EHD3: variants seen among roughly 807,000 people sequenced by gnomAD.
EHD3 encodes the protein EH domain containing 3.
A neutral mutation model predicts 43.0 loss-of-function variants in EHD3; 17 were observed. That is an observed-to-expected ratio of 0.40 (90% CI 0.27 to 0.59). The LOEUF (loss-of-function observed/expected upper bound fraction) is 0.59, where lower values mean the gene tolerates loss of function less well. Among genes scored for constraint, EHD3 ranks in the 20% least tolerant of loss-of-function variants. The pLI, the probability that EHD3 is intolerant of heterozygous loss-of-function variation, is 0.49. For missense variants in EHD3, 594 were observed against 705.6 expected (o/e 0.84, Z 1.79); for synonymous variants, 313 against 289.5 (o/e 1.08, Z -0.82).
intron 2 of EHD3, among the ~76,000 whole-genome samples, chr2:31,247,664 G>A (rs568481579): frequency 1.3e-5 from 2 of 152,278 alleles, no homozygotes; most frequent in African/African-American, 4.8e-5. Context: ...TAGCGGCCTT[G>A]GGCTCTATTC....
chr2:31,252,149 C>T (rs1683647312), intron 3 of EHD3, among the ~76,000 whole-genome samples: 1 of 152,168 alleles, frequency 6.6e-6, no homozygotes, highest in African/African-American at 2.4e-5. Flanking sequence ...CTCAACAGGT[C>T]ACATTTTCAG....
rs776124071 is a variant in EHD3, at chr2:31,261,681, C to T, written c.1048C>T (p.Pro350Ser). The change falls in exon 5 of 6, where the codon CCT becomes TCT. Residue 350 changes from proline (P) to serine (S), a missense_variant. Around this residue, in one of 3 missense-constraint regions of EHD3, gnomAD observed 322 missense variants for 348.0 expected, o/e 0.93. Coordinates refer to ENST00000322054, the MANE Select transcript of EHD3 (RefSeq NM_014600.3). ...GRIEREHQIS[P>S]GDFPNLKRMQ... is the part of the protein sequence containing the mutation. ...GATCGAGCGGGAGCACCAGATCTCA[C>T]CTGGGGACTTCCCCAATCTGAAGAG... 6 of 1,614,104 alleles carry T rather than the reference C, an allele frequency of 3.7e-6. No homozygotes were observed. Among genetic ancestry groups the T allele is most frequent in the African/African-American group, 1.3e-5 (1 of 74,934 alleles).
At chr2:31,259,586 C>T (rs1461399580) in intron 3 of EHD3, among the ~76,000 whole-genome samples, 1 of 152,172 alleles carries the variant, frequency 6.6e-6, no homozygotes, top group Non-Finnish European at 1.5e-5. Flanking sequence ...CAGTCACATC[C>T]TAAGGAAGAA....
Position 31,234,511 on chromosome 2 carries a change from G to A in EHD3, c.-111G>A, listed in dbSNP as rs1272458415. 7.1e-6 allele frequency: 9 copies of A among 1,272,628 alleles called. No homozygotes were observed. In the African/African-American group the frequency reaches 1.2e-4, roughly 17 times the overall value. 78.8% of individuals were successfully genotyped at this position (1,272,628 alleles called of 1,614,324 possible). On this transcript the variant is annotated 5_prime_UTR_variant, in exon 1 of 6. Transcript: ENST00000322054. ...CATGGTGCGGCTGAGCCCCGCGCTT[G>A]GGTGAGGCGGCGGCGCGGCTCGGAG...
chr2:31,245,671 C>T (rs1178467376), intron 2 of EHD3, among the ~76,000 whole-genome samples: 1 of 147,852 alleles, frequency 6.8e-6, no homozygotes, highest in Non-Finnish European at 1.5e-5. Flanking sequence ...AAGCAATTCT[C>T]CTGCCTCAGC....
intron 3 of EHD3, among the ~76,000 whole-genome samples, chr2:31,250,340 C>T (rs1048265856): frequency 6.7e-6 from 1 of 149,944 alleles, no homozygotes; most frequent in African/African-American, 2.5e-5. Context: ...GATCTCAGCT[C>T]ACCGCAACCT....
chr2:31,235,009 A>G (rs1377376318), intron 1 of EHD3, among the ~76,000 whole-genome samples, 161 bp downstream of exon 1: 2 of 151,864 alleles, frequency 1.3e-5, no homozygotes, highest in Non-Finnish European at 2.9e-5. Context: ...CTTACCCCAC[A>G]ATTTTTGCTG....
chr2:31,253,593 G>A (rs1167644985), intron 3 of EHD3, among the ~76,000 whole-genome samples: 1 of 152,204 alleles, frequency 6.6e-6, no homozygotes, highest in African/African-American at 2.4e-5. Context: ...TAGACTGCCT[G>A]TTCTGCAAAG....
At chr2:31,237,034 C>T (rs78962598) in intron 1 of EHD3, among the ~76,000 whole-genome samples, 1 of 152,136 alleles carries the variant, frequency 6.6e-6, no homozygotes, top group South Asian at 2.1e-4. Context: ...TCCCTCTCCC[C>T]ACTCATGTCA....
At position 31,260,115 on chromosome 2, in the gene EHD3, CACTTG is replaced by C. The variant is rs1683823972; in HGVS notation, c.503-392_503-388del. On this transcript the variant is annotated intron_variant, in intron 3 of 5. Transcript: ENST00000322054. This position sits in a 1 kb window ranked among gnomAD's most constrained non-coding sequence, Gnocchi z 4.6. Reference sequence around the variant, plus strand: ...ACTCGGGAGGCTGAGGCAGGAAAATCACTTGACCCCAGGAGGCAGAGGTTGCAGTG... The same window carrying C: ...ACTCGGGAGGCTGAGGCAGGAAAATCACCCCAGGAGGCAGAGGTTGCAGTG... Among the ~76,000 whole-genome samples the C allele has an allele frequency of 6.6e-6, 1 of 152,070 alleles. No homozygotes were observed. The highest frequency in any genetic ancestry group is 2.1e-4 in the South Asian group (1 of 4,818).
At chr2:31,262,017 C>T (rs1035320585) in intron 5 of EHD3, among the ~76,000 whole-genome samples, 11 of 152,228 alleles carry the variant, frequency 7.2e-5, no homozygotes, top group African/African-American at 2.4e-4. Context: ...ACAGGCTTGA[C>T]GTCCCCACCA....
chr2:31,242,968 A>T (rs560456513), intron 1 of EHD3, among the ~76,000 whole-genome samples: 1 of 151,578 alleles, frequency 6.6e-6, no homozygotes, highest in East Asian at 1.9e-4. Context: ...CTCAAATAAT[A>T]AATAAATAAA....
rs551067316 is a variant in EHD3, at chr2:31,245,686, C to T, written c.404+1236C>T. Among the ~76,000 whole-genome samples, 486 of 147,564 alleles carry T rather than the reference C, an allele frequency of 3.3e-3. 3 individuals are homozygous for T. The highest frequency in any genetic ancestry group is 0.012 in the African/African-American group (465 of 40,174). On this transcript the variant is annotated intron_variant, in intron 2 of 5. Transcript: ENST00000322054. ...AAGCAATTCTCCTGCCTCAGCCTCC[C>T]GAGTAGCTGGGATTACAGGCATGTG...
At chr2:31,239,834 T>C (rs1314061899) in intron 1 of EHD3, among the ~76,000 whole-genome samples, 10 of 70,910 alleles carry the variant, frequency 1.4e-4, no homozygotes, top group Non-Finnish European at 2.5e-5. Flanking sequence ...TTTCCTCTCC[T>C]CTCTCGAGCT....
At chr2:31,243,454 T>C (rs1330939051) in intron 1 of EHD3, among the ~76,000 whole-genome samples, 2 of 118,446 alleles carry the variant, frequency 1.7e-5, no homozygotes, top group Non-Finnish European at 3.4e-5. Flanking sequence ...CTTTCTTTCT[T>C]TCTTTCTTTT....
intron 2 of EHD3, among the ~76,000 whole-genome samples, chr2:31,246,129 G>C (rs1683521481): frequency 6.6e-6 from 1 of 152,132 alleles, no homozygotes; most frequent in African/African-American, 2.4e-5. Flanking sequence ...ATGAAGCTGA[G>C]GTCCCTTTAG....
At chr2:31,249,673 T>C (rs572956000) in intron 3 of EHD3, among the ~76,000 whole-genome samples, 1 of 152,324 alleles carries the variant, frequency 6.6e-6, no homozygotes, top group East Asian at 1.9e-4. Flanking sequence ...AGGTCCACCG[T>C]AGCTCAGGAG....
chr2:31,246,395 C>A (rs939071469), intron 2 of EHD3, among the ~76,000 whole-genome samples: 2 of 151,984 alleles, frequency 1.3e-5, no homozygotes, highest in Non-Finnish European at 1.5e-5. Context: ...AGTGAGTCAG[C>A]TGAGGAGCAT....
intron 2 of EHD3, 36 bp downstream of exon 2, chr2:31,244,486 CTCT>C: frequency 1.3e-6 from 2 of 1,596,214 alleles, no homozygotes; most frequent in Non-Finnish European, 1.7e-6. Flanking sequence ...TTCAGGTGCT[CTCT>C]TTTCTTCTTG....
Sources: gnomAD v4.1 joint callset for allele counts (sites outside exome capture counted in the v4.1 genomes callset) on GRCh38, gnomAD v4.1.1 for gene constraint, gnomAD v4.1.1 regional missense constraint, Gnocchi (gnomAD v3.1) non-coding constraint, MANE v1.5 for transcripts, NCBI Gene and HGNC (gene_info 2026-07-23, HGNC 2026-07-21) for gene names.